Variants in ARID4B observed in about 807,000 individuals in gnomAD.
ARID4B encodes the protein AT-rich interactive domain-containing protein 4B.
ARID4B carries 26 observed loss-of-function variants against 147.5 expected under a neutral mutation model. The ratio of observed to expected loss-of-function variants is 0.18; its 90% CI spans 0.13 to 0.24. The LOEUF is 0.24. Ranked by LOEUF, ARID4B falls within the 10% of genes least tolerant of loss-of-function variation. The probability of loss-of-function intolerance (pLI) is 1.00; values close to 1 mark genes in which losing one functional copy is unlikely to be tolerated. For missense variants in ARID4B, 1,179 were observed against 1,511.5 expected, an observed-to-expected ratio of 0.78 and a Z score of 3.65; for synonymous variants, 512 against 507.9, an observed-to-expected ratio of 1.01 and a Z score of -0.11.
intron 2 of ARID4B, among the ~76,000 whole-genome samples, chr1:235,289,865 C>G (rs1672218590): frequency 6.6e-6 from 1 of 151,890 alleles, no homozygotes; most frequent in Non-Finnish European, 1.5e-5. Flanking sequence ...GTAAAACCTA[C>G]TAAATAAAAA....
At chr1:235,250,744 T>C (rs1411666463) in intron 6 of ARID4B, among the ~76,000 whole-genome samples, 2 of 152,136 alleles carry the variant, frequency 1.3e-5, no homozygotes. Flanking sequence ...AAATTAGAAG[T>C]ACACACCTGC....
intron 2 of ARID4B, among the ~76,000 whole-genome samples, chr1:235,285,020 C>T (rs1049568110): frequency 7.2e-5 from 11 of 152,264 alleles, no homozygotes; most frequent in African/African-American, 2.6e-4. Flanking sequence ...CCTCCCACCT[C>T]AGCCTCCCAA....
At chr1:235,325,882 A>T (rs998188763) in intron 2 of ARID4B, among the ~76,000 whole-genome samples, 3 of 152,226 alleles carry the variant, frequency 2.0e-5, no homozygotes, top group Non-Finnish European at 4.4e-5. Context: ...CAAGTATTAC[A>T]AATTTTAATT....
rs150288865 is a variant in ARID4B, at chr1:235,289,144, G to A, written c.7-28392C>T. 3.9e-5 allele frequency among the ~76,000 whole-genome samples: 6 copies of A among 152,268 alleles called. No homozygotes were observed. The East Asian group carries it at 1.2e-3, about 29-fold the overall frequency. On this transcript the variant is annotated intron_variant, in intron 2 of 23. Coordinates refer to ENST00000264183, the MANE Select transcript of ARID4B (RefSeq NM_016374.6). Reference sequence around the variant, plus strand: ...ATTCATCACAGATGCAAGTCAGTAGGTCTGGCCAAAAGTCCAGCTAAATTC... The same window carrying A: ...ATTCATCACAGATGCAAGTCAGTAGATCTGGCCAAAAGTCCAGCTAAATTC...
intron 2 of ARID4B, among the ~76,000 whole-genome samples, chr1:235,315,210 G>A (rs1674348553): frequency 1.3e-5 from 2 of 152,180 alleles, no homozygotes; most frequent in South Asian, 2.1e-4. Context: ...GATCACCTGA[G>A]CTCAAGAGTT....
chr1:235,236,599 C>T (rs1449972429), intron 8 of ARID4B, among the ~76,000 whole-genome samples: 2 of 150,758 alleles, frequency 1.3e-5, no homozygotes, highest in Non-Finnish European at 3.0e-5. Context: ...CTGCAACCTC[C>T]ACCTCCCGTG....
At chr1:235,199,853 G>C (rs1371133047) in intron 17 of ARID4B, among the ~76,000 whole-genome samples, 1 of 152,060 alleles carries the variant, frequency 6.6e-6, no homozygotes, top group Non-Finnish European at 1.5e-5. Flanking sequence ...GATCTTACAA[G>C]AAAAATAAAG....
chr1:235,255,300 T>C lies in ARID4B; in HGVS notation c.274+360A>G, dbSNP rs185156752. ...CTCTCTCTCTCTCTATATATATATA[T>C]ACACAGTTAAAAGACATTTCTATTA... is the stretch of plus-strand genomic sequence containing the variant. On this transcript the variant is annotated intron_variant, in intron 5 of 23. Transcript: ENST00000264183. Among the ~76,000 whole-genome samples the C allele has an allele frequency of 5.0e-3, 754 of 150,644 alleles. 6 individuals carry two copies. The highest frequency in any genetic ancestry group is 8.3e-3 in the Non-Finnish European group (563 of 67,470).
intron 10 of ARID4B, among the ~76,000 whole-genome samples, chr1:235,230,393 A>G (rs992576620): frequency 2.0e-5 from 3 of 151,128 alleles, no homozygotes; most frequent in African/African-American, 7.3e-5. Context: ...TGGGCGACAG[A>G]GCAAGACTCC....
chr1:235,309,553 G>C (rs1475116549), intron 2 of ARID4B, among the ~76,000 whole-genome samples: 2 of 148,894 alleles, frequency 1.3e-5, no homozygotes, highest in African/African-American at 5.0e-5. Flanking sequence ...GGGAGGTGGG[G>C]GGGTCAGCCC....
Position 235,326,900 on chromosome 1 carries a change from G to A in ARID4B, c.6+14C>T. ...CGATAACCCCAGAGATTCGTTTTCC[G>A]CAGGCAATCTTACCTTCATGATGAC... On this transcript the variant is annotated intron_variant, in intron 2 of 23. Transcript: ENST00000264183. 6.2e-7 allele frequency: 1 copy of A among 1,613,836 alleles called. No homozygotes were observed. The highest frequency in any genetic ancestry group is 8.5e-7 in the Non-Finnish European group (1 of 1,179,798).
At chr1:235,320,141 A>C (rs990679699) in intron 2 of ARID4B, among the ~76,000 whole-genome samples, 7 of 151,132 alleles carry the variant, frequency 4.6e-5, no homozygotes, top group Non-Finnish European at 8.8e-5. Context: ...AAAAAAACAA[A>C]AAATACAAAA....
At position 235,286,210 on chromosome 1, in the gene ARID4B, A is replaced by G. The variant is rs189917874; in HGVS notation, c.7-25458T>C. On this transcript the variant is annotated intron_variant, in intron 2 of 23. Coordinates refer to ENST00000264183, the MANE Select transcript of ARID4B (RefSeq NM_016374.6). ...CCACAATGCCCAGCTAATTTTTGAT[A>G]ATTTGTAGAGACAGGGTCTCACTAT... Among the ~76,000 whole-genome samples, 16 of 152,190 alleles carry G rather than the reference A, an allele frequency of 1.1e-4. No individual in the cohort carries two copies. In the East Asian group the frequency reaches 2.7e-3, roughly 26 times the overall value.
rs921568719 is a variant in ARID4B at position 235,308,756 on chromosome 1, C to A, written c.6+18158G>T. Among the ~76,000 whole-genome samples, 9 of 152,296 alleles carry A rather than the reference C, an allele frequency of 5.9e-5. 1 individual carries two copies. The highest frequency in any genetic ancestry group is 3.9e-4 in the Admixed American group (6 of 15,294). On this transcript the variant is annotated intron_variant, in intron 2 of 23. Transcript: ENST00000264183. ...CCTCCCGAGGTGCCGGGATTGCAGA[C>A]GGAGTCTGGTTCACTCAGTGCTCAA...
At chr1:235,206,317 A>AG (rs1666305134) in intron 17 of ARID4B, among the ~76,000 whole-genome samples, 1 of 152,204 alleles carries the variant, frequency 6.6e-6, no homozygotes, top group African/African-American at 2.4e-5. Context: ...AAAGAAAAGG[A>AG]GGGGGAGGAG....
chr1:235,178,160 A>G (rs550953254), intron 20 of ARID4B, among the ~76,000 whole-genome samples: 1 of 152,296 alleles, frequency 6.6e-6, no homozygotes, highest in South Asian at 2.1e-4. Flanking sequence ...CTTTAAAAAA[A>G]TCAGATATAA....
Position 235,200,478 on chromosome 1 carries a change from C to T in ARID4B, c.1842-4363G>A, listed in dbSNP as rs551059776. Among the ~76,000 whole-genome samples the T allele has an allele frequency of 5.9e-5, 9 of 151,856 alleles. No individual in the cohort carries two copies. The South Asian group carries it at 1.9e-3, about 32-fold the overall frequency. ...TCATCTCAAAAAAATAAAATTCATG[C>T]GGGGAAAAACTCTACATGAAAACCC... On this transcript the variant is annotated intron_variant, in intron 17 of 23. Transcript: ENST00000264183.
intron 6 of ARID4B, among the ~76,000 whole-genome samples, chr1:235,248,197 G>A (rs1669421897): frequency 6.6e-6 from 1 of 151,960 alleles, no homozygotes; most frequent in Non-Finnish European, 1.5e-5. Context: ...GACCACAGGT[G>A]TGCACTATCA....
chr1:235,215,215 AC>A (rs1228594132), intron 16 of ARID4B, among the ~76,000 whole-genome samples: 1 of 151,964 alleles, frequency 6.6e-6, no homozygotes, highest in Non-Finnish European at 1.5e-5. Context: ...TTTTATATTG[AC>A]CACCAATCTG....
Sources: allele counts gnomAD v4.1 joint callset (sites outside exome capture counted in the v4.1 genomes callset), GRCh38; gene constraint gnomAD v4.1.1; transcripts MANE v1.5; gene names NCBI Gene and HGNC (gene_info 2026-07-23, HGNC 2026-07-21).